The following MINK1 variants were observed in gnomAD, a reference collection of about 807,000 sequenced individuals.
MINK1 encodes the protein misshapen like kinase 1, also known as misshapen-like kinase 1.
A neutral mutation model predicts 178.4 loss-of-function variants in MINK1; 46 were observed. The ratio of observed to expected loss-of-function variants is 0.26; its 90% CI spans 0.20 to 0.33. MINK1 has a LOEUF of 0.33. MINK1 is among the 10% of genes least tolerant of loss of function. The pLI is 1.00. For missense variants in MINK1, 1,366 were observed against 1,814.9 expected (o/e 0.75, Z 4.49); for synonymous variants, 797 against 709.7 (o/e 1.12, Z -1.96).
intron 4 of MINK1, among the ~76,000 whole-genome samples, chr17:4,883,625 G>A (rs539328865): frequency 6.6e-5 from 10 of 150,982 alleles, no homozygotes; most frequent in African/African-American, 1.5e-4. Context: ...TCCGCCTTCC[G>A]GGTTCACGCC....
At chr17:4,859,788 C>CAAAAAAAAA (rs397857604) in intron 1 of MINK1, among the ~76,000 whole-genome samples, 17 of 51,888 alleles carry the variant, frequency 3.3e-4, no homozygotes, top group Admixed American at 5.4e-4. Context: ...AACTCCATCT[C>CAAAAAAAAA]AAAAAAAAAA....
intron 1 of MINK1, chr17:4,868,962 C>CA (rs1915448836): frequency 5.7e-6 from 1 of 174,072 alleles, no homozygotes; most frequent in South Asian, 8.1e-5. Context: ...CTCGCTCTGT[C>CA]GTGCAGGCTG....
intron 1 of MINK1, among the ~76,000 whole-genome samples, chr17:4,876,222 C>G (rs1263222769): frequency 1.3e-5 from 2 of 152,202 alleles, no homozygotes; most frequent in East Asian, 3.8e-4. Context: ...GTCAATACTT[C>G]CTCCCGAGCA....
rs754624769 is a variant in MINK1, at chr17:4,894,334, C to T, written c.2808+23C>T. The T allele has an allele frequency of 4.0e-5, 64 of 1,606,064 alleles. No homozygotes were observed. The highest frequency in any genetic ancestry group is 1.7e-4 in the Middle Eastern group (1 of 6,056). On this transcript the variant is annotated intron_variant, in intron 23 of 31. Coordinates refer to ENST00000355280, the MANE Select transcript of MINK1 (RefSeq NM_153827.5). The surrounding 1 kb of genome is among the most constrained non-coding windows in gnomAD (Gnocchi z 4.1). ...GACGTAAGTGGGCCGGAGGCAGGTC[C>T]GCCGGGAGAGAAGAGCCCTGGCGAT...
intron 1 of MINK1, among the ~76,000 whole-genome samples, chr17:4,840,827 C>A (rs535851702): frequency 2.0e-4 from 30 of 152,268 alleles, no homozygotes; most frequent in African/African-American, 7.0e-4. Context: ...AAGTCTTGGG[C>A]TTCCTGAAGG....
intron 1 of MINK1, among the ~76,000 whole-genome samples, chr17:4,855,695 G>C (rs1471704238): frequency 2.0e-5 from 3 of 149,518 alleles, no homozygotes; most frequent in Non-Finnish European, 4.5e-5. Flanking sequence ...GCGTGAACCT[G>C]GGAGGCGGAG....
rs1346647746 is a variant in MINK1, at chr17:4,884,396, A to G, written c.340A>G (p.Thr114Ala). 6.2e-7 allele frequency: 1 copy of G among 1,613,718 alleles called. No homozygotes were observed. The highest frequency in any genetic ancestry group is 1.3e-5 in the African/African-American group (1 of 74,864). Reference sequence around the variant, plus strand: ...GGAGTTCTGTGGTGCTGGTTCAGTGACTGACCTGGTAAAGAACACAAAAGG... The same window carrying G: ...GGAGTTCTGTGGTGCTGGTTCAGTGGCTGACCTGGTAAAGAACACAAAAGG... ...VMEFCGAGSVTDLVKNTKGNA... is the reference protein window; with the variant it reads ...VMEFCGAGSVADLVKNTKGNA... Residue 114 changes from threonine (T) to alanine (A), a missense_variant, in exon 5 of 32, where the codon ACT becomes GCT. Thr to Ala is a moderately conservative substitution (Grantham distance 58). This residue lies in a region of MINK1 where 109 missense variants were observed against 369.4 expected (regional missense o/e 0.30). Transcript: ENST00000355280.
At chr17:4,890,023 G>T in intron 13 of MINK1, 1 of 529,430 alleles carries the variant, frequency 1.9e-6, no homozygotes. Context: ...CATTCCCTGT[G>T]CCCTCTTCTT....
In MINK1 at chr17:4,892,205, G is replaced by A; in HGVS notation, c.2058G>A (p.Gly686=). 6.3e-7 allele frequency: 1 copy of A among 1,597,082 alleles called. No homozygotes were observed. The change falls in exon 17 of 32, where the codon GGG becomes GGA. Residue 686 remains glycine (G), a synonymous_variant. Transcript: ENST00000355280. ...ATALNTSGAG[G]SRPAQAVRAR... ...CCCTTAACACCAGTGGGGCCGGAGGGTCCCGGCCAGCCCAGGCAGTCCGTG... is the reference window on the plus strand; with the variant it reads ...CCCTTAACACCAGTGGGGCCGGAGGATCCCGGCCAGCCCAGGCAGTCCGTG...
At chr17:4,860,069 G>A (rs1204533135) in intron 1 of MINK1, among the ~76,000 whole-genome samples, 1 of 151,676 alleles carries the variant, frequency 6.6e-6, no homozygotes, top group Non-Finnish European at 1.5e-5. Flanking sequence ...GAAGGGTCGC[G>A]TCCGGGAACT....
Position 4,833,368 on chromosome 17 carries a change from G to T in MINK1, c.-216G>T. ...GCGCGGTCGCTCCGCGCCTGCGCAGGAGAGGTGGTAGGCTCGGGTGGCTGG... is the reference window on the plus strand; with the variant it reads ...GCGCGGTCGCTCCGCGCCTGCGCAGTAGAGGTGGTAGGCTCGGGTGGCTGG... On this transcript the variant is annotated 5_prime_UTR_variant, in exon 1 of 32. Transcript: ENST00000355280. This position sits in a 1 kb window ranked among gnomAD's most constrained non-coding sequence, Gnocchi z 4.8. 2.0e-6 allele frequency: 1 copy of T among 509,810 alleles called. No homozygotes were observed. The highest frequency in any genetic ancestry group is 3.5e-6 in the Non-Finnish European group (1 of 289,650). The allele number at this position is 509,810 out of a possible 1,614,324, so 31.6% of individuals were successfully genotyped here.
Position 4,887,678 on chromosome 17 carries a change from AGCAGCT to A in MINK1, c.1124_1129del (p.Leu375_Gln376del), listed in dbSNP as rs751703001. 8.3e-6 allele frequency: 13 copies of A among 1,562,320 alleles called. No homozygotes were observed. Among genetic ancestry groups the A allele is most frequent in the Non-Finnish European group, 1.0e-5 (12 of 1,155,184 alleles). On this transcript the variant is annotated inframe_deletion, in exon 12 of 32. Coordinates refer to ENST00000355280, the MANE Select transcript of MINK1 (RefSeq NM_153827.5). This position sits in a 1 kb window ranked among gnomAD's most constrained non-coding sequence, Gnocchi z 7.6. ...AACTCAGAGGCTTTAAAACAGCAGCAGCAGCTGCAGCAGCAGCAGCAGCGAGACCCC... is the reference window on the plus strand; with the variant it reads ...AACTCAGAGGCTTTAAAACAGCAGCAGCAGCAGCAGCAGCAGCGAGACCCC...
At position 4,893,253 on chromosome 17, in the gene MINK1, T is replaced by C. The variant is rs191415085; in HGVS notation, c.2401-181T>C. 1.3e-3 allele frequency: 2,093 copies of C among 1,609,644 alleles called. 4 individuals are homozygous for C. Among genetic ancestry groups the C allele is most frequent in the Non-Finnish European group, 1.2e-3 (1,417 of 1,177,256 alleles). ...TCCTAACCTCTCTCCTAACCTCTCT[T>C]CTGGCTCTTTCTTCCCCTGCGGCCC... On this transcript the variant is annotated intron_variant, in intron 20 of 31. Transcript: ENST00000355280.
intron 1 of MINK1, chr17:4,851,126 G>A (rs932937121): frequency 3.8e-5 from 16 of 422,356 alleles, no homozygotes; most frequent in Middle Eastern, 3.4e-4. Flanking sequence ...TCCCAGTAAC[G>A]CCAACAGTTT....
intron 1 of MINK1, among the ~76,000 whole-genome samples, chr17:4,867,506 T>G (rs190158655): frequency 1.2e-3 from 180 of 151,538 alleles, no homozygotes; most frequent in Non-Finnish European, 1.5e-3. Context: ...TAATTAAAAT[T>G]TTTAAAAATT....
intron 1 of MINK1, among the ~76,000 whole-genome samples, chr17:4,860,347 C>A (rs1913968660): frequency 6.6e-6 from 1 of 152,176 alleles, no homozygotes; most frequent in Non-Finnish European, 1.5e-5. Flanking sequence ...GGGGTTTCAC[C>A]TTCTCTCCTT....
In MINK1 at chr17:4,894,458, C is replaced by G. The variant is rs985571815; in HGVS notation, c.2809-67C>G. 1 of 1,516,272 alleles carries G rather than the reference C, an allele frequency of 6.6e-7. No individual in the cohort carries two copies. Among genetic ancestry groups the G allele is most frequent in the African/African-American group, 1.4e-5 (1 of 72,532 alleles). The allele number at this position is 1,516,272 out of a possible 1,614,324, so 93.9% of individuals were successfully genotyped here. A position where few individuals can be genotyped will look rare whatever the true frequency, so the allele number is the denominator to read the frequency against. Reference sequence around the variant, plus strand: ...AGTTGGGGAGCTGGAGCCTGGGGAACAGCAGCAGGGGCAGGGCCGCAGCTG... The same window carrying G: ...AGTTGGGGAGCTGGAGCCTGGGGAAGAGCAGCAGGGGCAGGGCCGCAGCTG... On this transcript the variant is annotated intron_variant, in intron 23 of 31. Transcript: ENST00000355280. The surrounding 1 kb of genome is among the most constrained non-coding windows in gnomAD (Gnocchi z 4.1).
chr17:4,859,099 C>A, intron 1 of MINK1: 1 of 980,986 alleles, frequency 1.0e-6, no homozygotes, highest in Non-Finnish European at 1.2e-6. Flanking sequence ...CCTGCCGGGG[C>A]ATATCTGAGT....
intron 1 of MINK1, among the ~76,000 whole-genome samples, chr17:4,873,860 T>TCG (rs1216238149): frequency 6.6e-6 from 1 of 152,052 alleles, no homozygotes; most frequent in African/African-American, 2.4e-5. Flanking sequence ...CGTCTGATGA[T>TCG]CCGGCGTTCT....
Sources: gnomAD v4.1 joint callset for allele counts (sites outside exome capture counted in the v4.1 genomes callset) on GRCh38, gnomAD v4.1.1 for gene constraint, gnomAD v4.1.1 regional missense constraint, Gnocchi (gnomAD v3.1) non-coding constraint, MANE v1.5 for transcripts, NCBI Gene and HGNC (gene_info 2026-07-23, HGNC 2026-07-21) for gene names.